The following OTOGL variants were observed in gnomAD, a reference collection of about 807,000 sequenced individuals.
OTOGL encodes the protein otogelin like, also known as otogelin-like protein.
Under a neutral mutation model 318.5 loss-of-function variants are expected in OTOGL, and 285 were observed. The ratio of observed to expected loss-of-function variants is 0.89; its 90% CI spans 0.81 to 0.99. The LOEUF is 0.99. Among genes scored for constraint, OTOGL ranks in the 50% least tolerant of loss-of-function variants. OTOGL has a pLI of 0.00. For synonymous variants in OTOGL, 987 were observed against 936.5 expected (o/e 1.05, Z -0.99); for missense variants, 2,899 against 2,845.6 (o/e 1.02, Z -0.43).
chr12:80,340,936 GT>G (rs370802593), intron 43 of OTOGL, among the ~76,000 whole-genome samples: 25 of 139,090 alleles, frequency 1.8e-4, no homozygotes, highest in African/African-American at 4.5e-4. Flanking sequence ...GTCCACTTAG[GT>G]TTTTTTTTTT....
rs147878788 is a variant in OTOGL at position 80,206,326 on chromosome 12, T to C, written c.-19-3087T>C. On this transcript the variant is annotated intron_variant, in intron 1 of 58. Coordinates refer to ENST00000547103, the MANE Select transcript of OTOGL (RefSeq NM_001378609.3). ...CATTTCATATATCGAGTTCATAATG[T>C]AGTTAGTTGAAAAAGGACTTGGGAT... Among the ~76,000 whole-genome samples the C allele has an allele frequency of 3.3e-5, 5 of 152,322 alleles. No homozygotes were observed. The East Asian group carries it at 9.6e-4, about 29-fold the overall frequency.
chr12:80,167,129 G>A (rs1212625924), intron 1 of OTOGL, among the ~76,000 whole-genome samples: 1 of 152,022 alleles, frequency 6.6e-6, no homozygotes, highest in Admixed American at 6.6e-5. Context: ...TTGTGCTGAA[G>A]CAAATGCCCT....
chr12:80,238,150 T>C (rs768145816), intron 9 of OTOGL, among the ~76,000 whole-genome samples: 18 of 152,172 alleles, frequency 1.2e-4, no homozygotes, highest in Non-Finnish European at 2.2e-4. Context: ...CTACCAAATA[T>C]CTGTTTGTTG....
intron 28 of OTOGL, among the ~76,000 whole-genome samples, chr12:80,304,123 A>G (rs920254175): frequency 6.6e-6 from 1 of 152,200 alleles, no homozygotes; most frequent in Non-Finnish European, 1.5e-5. Context: ...TTGGCAAAGT[A>G]TATTTAAGAT....
chr12:80,334,189 T>C lies in OTOGL; in HGVS notation c.4422+1111T>C, dbSNP rs367836196. On this transcript the variant is annotated intron_variant, in intron 38 of 58. Coordinates refer to ENST00000547103, the MANE Select transcript of OTOGL (RefSeq NM_001378609.3). ...CTGGTTCAGGTGATAGCAGTGAAGA[T>C]GGTGAAAAGTACCTGGATCCTGGAT... Among the ~76,000 whole-genome samples the C allele has an allele frequency of 6.0e-4, 91 of 152,244 alleles. 1 individual carries two copies. The South Asian group carries it at 0.018, about 30-fold the overall frequency.
rs879348481 is a variant in OTOGL, at chr12:80,379,573, T to C, written c.*1525T>C. 1 of 43,568 alleles carries C rather than the reference T, an allele frequency of 2.3e-5. No individual in the cohort carries two copies. Among genetic ancestry groups the C allele is most frequent in the Admixed American group, 2.4e-4 (1 of 4,242 alleles). 2.7% of individuals were successfully genotyped at this position (43,568 alleles called of 1,614,324 possible). On this transcript the variant is annotated 3_prime_UTR_variant, in exon 59 of 59. Coordinates refer to ENST00000547103, the MANE Select transcript of OTOGL (RefSeq NM_001378609.3). ...CATTTCAATATTCTCTGATTCCTAT[T>C]AACATATAGATATATAAAATTAAAT...
chr12:80,099,661 A>AG (rs1429938656), intron 1 of OTOGL, 56 bp downstream of exon 1: 1 of 152,204 alleles, frequency 6.6e-6, no homozygotes, highest in African/African-American at 2.4e-5. Flanking sequence ...TCGAGAAGTA[A>AG]GGGCAGTTGG....
chr12:80,257,953 A>G lies in OTOGL; in HGVS notation c.1840A>G (p.Thr614Ala). ...IQLTSAWKRR[T>A]LGLCGTFNGN... is the part of the protein sequence containing the mutation. Reference sequence around the variant, plus strand: ...GCTTACTAGCGCATGGAAAAGAAGAACATTAGGTCTGTGTGGCACTTTTAA... The same window carrying G: ...GCTTACTAGCGCATGGAAAAGAAGAGCATTAGGTCTGTGTGGCACTTTTAA... Residue 614 changes from threonine to alanine, a missense_variant, in exon 18 of 59, where the codon ACA (threonine) becomes GCA (alanine). By Grantham distance (58) the Thr-to-Ala change is moderately conservative. Around this residue, in one of 3 missense-constraint regions of OTOGL, gnomAD observed 2,607 missense variants for 2,524.9 expected, o/e 1.03. Coordinates refer to ENST00000547103, the MANE Select transcript of OTOGL (RefSeq NM_001378609.3). 1 of 1,597,738 alleles carries G rather than the reference A, an allele frequency of 6.3e-7. No individual in the cohort carries two copies. The highest frequency in any genetic ancestry group is 8.5e-7 in the Non-Finnish European group (1 of 1,179,076).
At chr12:80,315,911 A>G (rs972438074) in intron 32 of OTOGL, among the ~76,000 whole-genome samples, 1 of 152,128 alleles carries the variant, frequency 6.6e-6, no homozygotes, top group African/African-American at 2.4e-5. Context: ...CACACTTCAC[A>G]TCAATCTTTG....
At chr12:80,352,175 G>GAAA (rs1889590057) in intron 44 of OTOGL, 120 bp from the exon 45 acceptor site, 1 of 886,136 alleles carries the variant, frequency 1.1e-6, no homozygotes, top group African/African-American at 1.7e-5. Flanking sequence ...TAAAGTCTAT[G>GAAA]ATGAAGTATA....
At chr12:80,177,285 C>T (rs938780000) in intron 1 of OTOGL, among the ~76,000 whole-genome samples, 1 of 152,132 alleles carries the variant, frequency 6.6e-6, no homozygotes, top group Non-Finnish European at 1.5e-5. Flanking sequence ...TTCAAGTTAA[C>T]ATTTGTATAG....
intron 1 of OTOGL, among the ~76,000 whole-genome samples, chr12:80,160,872 G>A (rs1158940927): frequency 4.6e-5 from 7 of 152,014 alleles, no homozygotes; most frequent in Non-Finnish European, 1.0e-4. Flanking sequence ...AGAAATTGTG[G>A]TATATATACA....
In OTOGL at chr12:80,277,212, CTTTAT is replaced by C. The variant is rs554156615; in HGVS notation, c.2682-950_2682-946del. On this transcript the variant is annotated intron_variant, in intron 24 of 58. Transcript: ENST00000547103. ...TAATTTTCAAATTTAATGTTTTTAT[CTTTAT>C]TTTATATATTTATTATATTTATAAT... is the stretch of plus-strand genomic sequence containing the variant. Among the ~76,000 whole-genome samples the C allele has an allele frequency of 3.8e-4, 55 of 144,880 alleles. No individual in the cohort carries two copies. In the South Asian group the frequency reaches 0.011, roughly 28 times the overall value.
At chr12:80,344,031 C>A (rs146439175) in intron 44 of OTOGL, among the ~76,000 whole-genome samples, 1 of 152,196 alleles carries the variant, frequency 6.6e-6, no homozygotes, top group African/African-American at 2.4e-5. Flanking sequence ...CTGCCCTACG[C>A]GTTCCCTGAG....
chr12:80,238,001 A>G (rs993527344), intron 9 of OTOGL, among the ~76,000 whole-genome samples: 5 of 152,146 alleles, frequency 3.3e-5, no homozygotes, highest in Non-Finnish European at 5.9e-5. Flanking sequence ...TTGAGCTTTG[A>G]GATTCAGCCT....
At chr12:80,269,948 C>T (rs1448120877) in intron 22 of OTOGL, among the ~76,000 whole-genome samples, 154 bp from the exon 23 acceptor site, 2 of 151,828 alleles carry the variant, frequency 1.3e-5, no homozygotes, top group Non-Finnish European at 2.9e-5. Context: ...GAAATTGGAC[C>T]TAACCCAACA....
At position 80,267,241 on chromosome 12, in the gene OTOGL, T is replaced by C. The variant is rs876657560; in HGVS notation, c.2391-12T>C. 1.3e-6 allele frequency: 2 copies of C among 1,495,890 alleles called. No homozygotes were observed. The highest frequency in any genetic ancestry group is 1.2e-5 in the South Asian group (1 of 81,256). The allele number at this position is 1,495,890 out of a possible 1,614,324, so 92.7% of individuals were successfully genotyped here. On this transcript the variant is annotated splice_polypyrimidine_tract_variant and intron_variant, in intron 21 of 58. Transcript: ENST00000547103. ...AATTGTATCCTATTTACTTTACTTT[T>C]TCTTCGTATAGATTCCACTGCCGTT...
rs200485202 is a variant in OTOGL at position 80,141,145 on chromosome 12, GT to G, written c.-20+41541del. Among the ~76,000 whole-genome samples, 5 of 152,218 alleles carry G rather than the reference GT, an allele frequency of 3.3e-5. No homozygotes were observed. In the East Asian group the frequency reaches 9.7e-4, roughly 29 times the overall value. On this transcript the variant is annotated intron_variant, in intron 1 of 58. Transcript: ENST00000547103. Reference sequence around the variant, plus strand: ...AGGAAAGGGCTGGTAATTATACTCTGTCACATTCCCCGAGTTCTTAAGTTAT... The same window carrying G: ...AGGAAAGGGCTGGTAATTATACTCTGCACATTCCCCGAGTTCTTAAGTTAT...
At chr12:80,243,907 T>A (rs184931075) in intron 11 of OTOGL, among the ~76,000 whole-genome samples, 94 of 149,482 alleles carry the variant, frequency 6.3e-4, no homozygotes, top group South Asian at 4.8e-3. Context: ...AGAAATTTGA[T>A]CCTCCTTCTC....
Sources: gnomAD v4.1 joint callset for allele counts (sites outside exome capture counted in the v4.1 genomes callset) on GRCh38, gnomAD v4.1.1 for gene constraint, gnomAD v4.1.1 regional missense constraint, MANE v1.5 for transcripts, NCBI Gene and HGNC (gene_info 2026-07-23, HGNC 2026-07-21) for gene names.